EVPL: variants seen among roughly 807,000 people sequenced by gnomAD.
EVPL encodes the protein 210 kDa cornified envelope precursor protein.
Under a neutral mutation model 129.7 loss-of-function variants are expected in EVPL, and 94 were observed. That is an observed-to-expected ratio of 0.72 (90% CI 0.61 to 0.86). The LOEUF (loss-of-function observed/expected upper bound fraction) is 0.86, where lower values mean the gene tolerates loss of function less well. Among genes scored for constraint, EVPL ranks in the 40% least tolerant of loss-of-function variants. The pLI, the probability that EVPL is intolerant of heterozygous loss-of-function variation, is 0.00. For missense variants in EVPL, 2,625 were observed against 2,721.1 expected (o/e 0.96, Z 0.79); for synonymous variants, 1,172 against 1,191.1 (o/e 0.98, Z 0.33).
rs1336642829 is a variant in EVPL at position 76,008,093 on chromosome 17, C to T, written c.5112G>A (p.Lys1704=). ...ACTGGCCCCTGTCGATGATGCCCCT[C>T]TTGTAGGCCTCGTATGGGGACATGT... ...GKDMSPYEAY[K]RGIIDRGQYL... Residue 1704 remains lysine (K), a synonymous_variant, in exon 22 of 22, where the codon AAG becomes AAA. Coordinates refer to ENST00000301607, the MANE Select transcript of EVPL (RefSeq NM_001988.4). The surrounding 1 kb of genome is among the most constrained non-coding windows in gnomAD (Gnocchi z 7.4). 1 of 1,614,140 alleles carries T rather than the reference C, an allele frequency of 6.2e-7. No homozygotes were observed. The highest frequency in any genetic ancestry group is 8.5e-7 in the Non-Finnish European group (1 of 1,180,020).
At chr17:76,023,906 C>T in intron 2 of EVPL, 115 bp downstream of exon 2, 1 of 1,371,534 alleles carries the variant, frequency 7.3e-7, no homozygotes, top group Non-Finnish European at 1.0e-6. Context: ...GGACAAAGGT[C>T]ATCTGTCCCA....
chr17:76,011,437 G>T, intron 21 of EVPL, 139 bp downstream of exon 21: 1 of 781,602 alleles, frequency 1.3e-6, no homozygotes, highest in Non-Finnish European at 2.2e-6. Flanking sequence ...CCAGCAGCCA[G>T]AGCTGCCCAG....
chr17:76,027,093 C>A lies in EVPL; in HGVS notation c.98+8G>T. ...TTCCCCGGCTCCCCATCCCCCAGTC[C>A]CACTTACCGGCTGTGCCTGCTGGGG... is the stretch of plus-strand genomic sequence containing the variant. On this transcript the variant is annotated splice_region_variant and intron_variant, in intron 1 of 21. Transcript: ENST00000301607. The A allele has an allele frequency of 6.9e-7, 1 of 1,457,274 alleles. No homozygotes were observed. The highest frequency in any genetic ancestry group is 9.2e-7 in the Non-Finnish European group (1 of 1,091,068). 90.3% of individuals were successfully genotyped at this position (1,457,274 alleles called of 1,614,324 possible).
At chr17:76,025,596 A>G (rs1458885669) in intron 1 of EVPL, among the ~76,000 whole-genome samples, 1 of 152,104 alleles carries the variant, frequency 6.6e-6, no homozygotes, top group Non-Finnish European at 1.5e-5. Context: ...GGTGGGGCTC[A>G]GGTGCCCCAG....
Position 76,011,825 on chromosome 17 carries a change from A to T in EVPL, c.2515T>A (p.Ser839Thr), listed in dbSNP as rs1156976635. Reference protein sequence around the residue: ...RCSLEPTLAVSAPKRPRVAPL... With the variant: ...RCSLEPTLAVTAPKRPRVAPL... ...GCCACTCGGGGTCTCTTGGGGGCTG[A>T]CACTGCCAGGGTGGGCTCCAAAGAG... The change falls in exon 20 of 22, where the codon TCA (serine) becomes ACA (threonine). Residue 839 changes from serine to threonine, a missense_variant. Coordinates refer to ENST00000301607, the MANE Select transcript of EVPL (RefSeq NM_001988.4). The T allele has an allele frequency of 6.2e-7, 1 of 1,613,066 alleles. No homozygotes were observed. Among genetic ancestry groups the T allele is most frequent in the Admixed American group, 1.7e-5 (1 of 59,610 alleles).
Position 76,018,946 on chromosome 17 carries a change from C to G in EVPL, c.1252G>C (p.Val418Leu), listed in dbSNP as rs368754327. Residue 418 changes from valine to leucine, a missense_variant, in exon 11 of 22, where the codon GTG (valine) becomes CTG (leucine). By Grantham distance (32) the Val-to-Leu change is conservative. Transcript: ENST00000301607. The stretch of plus-strand genomic sequence containing the variant: ...GAGTCCCAGTCGCAGATGCTGTCCA[C>G]GTGCAGGGGCTGCTGAGGGGGGTTT... ...RRNPPQQPLH[V>L]DSICDWDSGE... The G allele has an allele frequency of 2.6e-6, 4 of 1,550,184 alleles. No individual in the cohort carries two copies. Among genetic ancestry groups the G allele is most frequent in the African/African-American group, 1.4e-5 (1 of 70,734 alleles).
At chr17:76,014,385 G>A in intron 18 of EVPL, 41 bp downstream of exon 18, 1 of 1,583,354 alleles carries the variant, frequency 6.3e-7, no homozygotes, top group Non-Finnish European at 8.6e-7. Context: ...GCCACTAGGG[G>A]GCCACATGGG....
Position 76,009,628 on chromosome 17 carries a change from G to T in EVPL, c.3577C>A (p.Gln1193Lys), listed in dbSNP as rs1449518455. The T allele has an allele frequency of 1.2e-6, 2 of 1,613,876 alleles. No homozygotes were observed. Among genetic ancestry groups the T allele is most frequent in the Admixed American group, 3.3e-5 (2 of 60,018 alleles). Residue 1193 changes from glutamine (Q) to lysine (K), a missense_variant, in exon 22 of 22, where the codon CAG becomes AAG. Physicochemically the swap from Gln to Lys is moderately conservative, Grantham distance 53. Transcript: ENST00000301607. This position sits in a 1 kb window ranked among gnomAD's most constrained non-coding sequence, Gnocchi z 5.9. ...TGGAAGATCTCGTGGACGCGCTCCT[G>T]GAGCTGCACTTTGGGCCTCTGCTTC... is the stretch of plus-strand genomic sequence containing the variant. ...VEKQRPKVQL[Q>K]ERVHEIFQVD...
chr17:76,012,742 C>CTTT (rs56349197), intron 18 of EVPL, among the ~76,000 whole-genome samples: 1 of 117,518 alleles, frequency 8.5e-6, no homozygotes, highest in African/African-American at 3.3e-5. Flanking sequence ...TCTTTCTTTT[C>CTTT]TTTTTTTTTT....
Position 76,021,795 on chromosome 17 carries a change from G to A in EVPL, c.808-14C>T, listed in dbSNP as rs377026521. 952 of 1,587,318 alleles carry A rather than the reference G, an allele frequency of 6.0e-4. 1 individual carries two copies. The highest frequency in any genetic ancestry group is 7.4e-4 in the Non-Finnish European group (870 of 1,170,664). ...CTGCTTGAAGTGCTGGGGGCGAGTC[G>A]GGTGGGGAGCGGCGGTGAGGACCCG... On this transcript the variant is annotated splice_polypyrimidine_tract_variant and intron_variant, in intron 7 of 21. Transcript: ENST00000301607.
chr17:76,008,363 C>T lies in EVPL; in HGVS notation c.4842G>A (p.Gln1614=), dbSNP rs1484731443. The T allele has an allele frequency of 6.2e-7, 1 of 1,601,946 alleles. No homozygotes were observed. Among genetic ancestry groups the T allele is most frequent in the Non-Finnish European group, 8.5e-7 (1 of 1,179,208 alleles). ...TCTGGCTGAGCAGCTTCGACTCCTC[C>T]TGCAGCTGCAGTGTCTGCTGCTGCT... ...RQKQQQTLQL[Q]EESKLLSQKT... The change falls in exon 22 of 22, where the codon CAG becomes CAA. Residue 1614 remains glutamine (Q), a synonymous_variant. Coordinates refer to ENST00000301607, the MANE Select transcript of EVPL (RefSeq NM_001988.4). This position sits in a 1 kb window ranked among gnomAD's most constrained non-coding sequence, Gnocchi z 7.4.
Position 76,026,821 on chromosome 17 carries a change from C to T in EVPL, c.98+280G>A, listed in dbSNP as rs756282410. 6.6e-5 allele frequency among the ~76,000 whole-genome samples: 10 copies of T among 152,366 alleles called. No individual in the cohort carries two copies. The East Asian group carries it at 9.7e-4, about 15-fold the overall frequency. On this transcript the variant is annotated intron_variant, in intron 1 of 21. Transcript: ENST00000301607. The stretch of plus-strand genomic sequence containing the variant: ...AGGCTCCTGTCCAGCACTTCTCCCG[C>T]GAAGCGGCCTCAATCCGTGGCCCTC...
intron 18 of EVPL, 54 bp from the exon 19 acceptor site, chr17:76,012,143 TCTC>T: frequency 3.5e-6 from 5 of 1,412,484 alleles, no homozygotes; most frequent in Non-Finnish European, 4.9e-6. Flanking sequence ...TCACCCTGAC[TCTC>T]CTCTAGCCAG....
In EVPL at chr17:76,011,644, T is replaced by C. The variant is rs1048242479; in HGVS notation, c.2593A>G (p.Thr865Ala). Residue 865 changes from threonine (T) to alanine (A), a missense_variant, in exon 21 of 22, where the codon ACT becomes GCT. Transcript: ENST00000301607. ...TGCTGCTGTGCTGCTGCAACCTCAG[T>C]ATAGGCCTTTGCAAGGTTCTTCTCC... The part of the protein sequence containing the change: ...AQEKNLAKAY[T>A]EVAAAQQQLL... 6.2e-7 allele frequency: 1 copy of C among 1,613,882 alleles called. No homozygotes were observed. The highest frequency in any genetic ancestry group is 8.5e-7 in the Non-Finnish European group (1 of 1,179,962).
intron 11 of EVPL, 149 bp from the exon 12 acceptor site, chr17:76,018,749 G>T: frequency 8.2e-7 from 1 of 1,213,936 alleles, no homozygotes; most frequent in Non-Finnish European, 1.1e-6. Context: ...TAGAAAAGAG[G>T]CAGGACAGGA....
In EVPL at chr17:76,007,388, G is replaced by A. The variant is rs374024425; in HGVS notation, c.5817C>T (p.His1939=). 3 of 1,601,698 alleles carry A rather than the reference G, an allele frequency of 1.9e-6. No individual in the cohort carries two copies. The highest frequency in any genetic ancestry group is 2.2e-5 in the East Asian group (1 of 44,626). ...TGGGGTCGATGAGCCCCCCGGTCAGGTGCTGCACCTGCAGGTGTGGGAGCA... is the reference window on the plus strand; with the variant it reads ...TGGGGTCGATGAGCCCCCCGGTCAGATGCTGCACCTGCAGGTGTGGGAGCA... ...ESVLPHLQVQ[H]LTGGLIDPKR... Residue 1939 remains histidine, a synonymous_variant, in exon 22 of 22, where the codon CAC becomes CAT. Transcript: ENST00000301607. This position sits in a 1 kb window ranked among gnomAD's most constrained non-coding sequence, Gnocchi z 8.8.
rs746855070 is a variant in EVPL, at chr17:76,023,686, G to T, written c.199-32C>A. ...GCAGGAGATGGGCAGACTGGCCAGG[G>T]CCCAGAGCCCCCACACCCCTGCTGC... On this transcript the variant is annotated intron_variant, in intron 2 of 21. Coordinates refer to ENST00000301607, the MANE Select transcript of EVPL (RefSeq NM_001988.4). 26 of 1,508,112 alleles carry T rather than the reference G, an allele frequency of 1.7e-5. No homozygotes were observed. In the East Asian group the frequency reaches 5.9e-4, roughly 34 times the overall value. The allele number at this position is 1,508,112 out of a possible 1,614,324, so 93.4% of individuals were successfully genotyped here.
rs1351531770 is a variant in EVPL, at chr17:76,007,977, C to A, written c.5228G>T (p.Ser1743Ile). ...GGCCTCGATGGAGTACTGCTTCCCG[C>A]TCTTGCGGTCCAGGAGCACAGACTC... ...GEESVLLDRK[S>I]GKQYSIEAAL... The change falls in exon 22 of 22, where the codon AGC (serine) becomes ATC (isoleucine). Residue 1743 changes from serine (S) to isoleucine (I), a missense_variant. Physicochemically the swap from Ser to Ile is moderately radical, Grantham distance 142. This residue lies in a region of EVPL where 1,453 missense variants were observed against 1,511.8 expected (regional missense o/e 0.96). Transcript: ENST00000301607. This position sits in a 1 kb window ranked among gnomAD's most constrained non-coding sequence, Gnocchi z 8.8. 1 of 1,614,014 alleles carries A rather than the reference C, an allele frequency of 6.2e-7. No individual in the cohort carries two copies. The highest frequency in any genetic ancestry group is 1.3e-5 in the African/African-American group (1 of 74,932).
In EVPL at chr17:76,023,493, C is replaced by T. The variant is rs567176606; in HGVS notation, c.353+7G>A. ...GGGACCCCCAGCCCTGCCGCAGCTC[C>T]ACTCACTCCTTCTCAATCTCCTCAG... On this transcript the variant is annotated splice_region_variant and intron_variant, in intron 3 of 21. Transcript: ENST00000301607. 625 of 1,612,632 alleles carry T rather than the reference C, an allele frequency of 3.9e-4. 2 individuals carry two copies. Among genetic ancestry groups the T allele is most frequent in the Non-Finnish European group, 4.9e-4 (579 of 1,179,298 alleles).
Sources: gnomAD v4.1 joint callset for allele counts (sites outside exome capture counted in the v4.1 genomes callset) on GRCh38, gnomAD v4.1.1 for gene constraint, gnomAD v4.1.1 regional missense constraint, Gnocchi (gnomAD v3.1) non-coding constraint, MANE v1.5 for transcripts, NCBI Gene and HGNC (gene_info 2026-07-23, HGNC 2026-07-21) for gene names.